Variants in TNR observed in about 807,000 individuals in gnomAD.
TNR encodes the protein tenascin-R.
TNR carries 45 observed loss-of-function variants against 150.4 expected under a neutral mutation model. That is an observed-to-expected ratio of 0.30 (90% confidence interval 0.24 to 0.38). The LOEUF (loss-of-function observed/expected upper bound fraction) is 0.38, where lower values mean the gene tolerates loss of function less well. TNR is among the 10% of genes least tolerant of loss of function. TNR has a pLI of 1.00. For synonymous variants in TNR, 687 were observed against 678.4 expected, an observed-to-expected ratio of 1.01 and a Z score of -0.20; for missense variants, 1,544 against 1,759.1, an observed-to-expected ratio of 0.88 and a Z score of 2.19.
chr1:175,416,734 T>G (rs1184741815), intron 2 of TNR, among the ~76,000 whole-genome samples: 1 of 151,998 alleles, frequency 6.6e-6, no homozygotes, highest in Non-Finnish European at 1.5e-5. Flanking sequence ...GTGGGCCGGG[T>G]GCGGTGGCTC....
chr1:175,562,825 A>G (rs983568777), intron 1 of TNR, among the ~76,000 whole-genome samples: 1 of 152,226 alleles, frequency 6.6e-6, no homozygotes, highest in African/African-American at 2.4e-5. Flanking sequence ...TTTCTCTGCC[A>G]GGCTCCAAAC....
At chr1:175,639,569 T>C (rs1664589493) in intron 1 of TNR, among the ~76,000 whole-genome samples, 1 of 152,144 alleles carries the variant, frequency 6.6e-6, no homozygotes, top group South Asian at 2.1e-4. Flanking sequence ...CACTTCTGAG[T>C]GTTGGGGCTC....
At chr1:175,632,596 A>G (rs1293784932) in intron 1 of TNR, among the ~76,000 whole-genome samples, 4 of 152,252 alleles carry the variant, frequency 2.6e-5, no homozygotes, top group Admixed American at 2.6e-4. Context: ...GTATATTTGT[A>G]AAGTATCTAA....
chr1:175,678,763 C>A (rs1291692021), intron 1 of TNR, among the ~76,000 whole-genome samples: 1 of 152,196 alleles, frequency 6.6e-6, no homozygotes, highest in Non-Finnish European at 1.5e-5. Flanking sequence ...GACAGGAAGA[C>A]CAAGTGGGAA....
intron 2 of TNR, among the ~76,000 whole-genome samples, chr1:175,525,244 G>A (rs1004016303): frequency 6.6e-6 from 1 of 152,088 alleles, no homozygotes; most frequent in East Asian, 1.9e-4. Flanking sequence ...AGTTTCCTGA[G>A]GCCTCCCCAA....
At chr1:175,515,840 C>T (rs1312889486) in intron 2 of TNR, among the ~76,000 whole-genome samples, 2 of 152,174 alleles carry the variant, frequency 1.3e-5, no homozygotes, top group African/African-American at 2.4e-5. Context: ...AAAGACTCAC[C>T]TTAGGACTAA....
At chr1:175,425,856 T>A (rs1654945791) in intron 2 of TNR, among the ~76,000 whole-genome samples, 1 of 152,114 alleles carries the variant, frequency 6.6e-6, no homozygotes. Flanking sequence ...TTCAGGGCAT[T>A]ATTGGGGTTA....
At chr1:175,670,639 A>G (rs1469176579) in intron 1 of TNR, among the ~76,000 whole-genome samples, 1 of 152,320 alleles carries the variant, frequency 6.6e-6, no homozygotes, top group African/African-American at 2.4e-5. Context: ...GAGCAGCTGC[A>G]TAACCTCAGA....
At chr1:175,550,373 T>A (rs768535394) in intron 1 of TNR, among the ~76,000 whole-genome samples, 1 of 152,176 alleles carries the variant, frequency 6.6e-6, no homozygotes, top group Non-Finnish European at 1.5e-5. Flanking sequence ...CCCTCTGAGA[T>A]GCTGAATCAG....
chr1:175,362,541 G>A (rs963985859), intron 14 of TNR, 122 bp downstream of exon 14: 46 of 1,235,944 alleles, frequency 3.7e-5, no homozygotes, highest in Non-Finnish European at 5.2e-5. Context: ...GCAAGACACA[G>A]TGAGTTGGAG....
chr1:175,396,476 A>G (rs566005229), intron 5 of TNR, 68 bp downstream of exon 5: 2 of 1,552,496 alleles, frequency 1.3e-6, no homozygotes, highest in Admixed American at 1.8e-5. Context: ...AGACGCTACT[A>G]TCATGAATGC....
At chr1:175,540,781 A>C (rs1557995263) in intron 1 of TNR, among the ~76,000 whole-genome samples, 1 of 151,312 alleles carries the variant, frequency 6.6e-6, no homozygotes, top group Non-Finnish European at 1.5e-5. Context: ...CTTTCTCCTC[A>C]CTGGGTTTCC....
rs150355276 is a variant in TNR, at chr1:175,618,398, C to A, written c.-164-90029G>T. ...AAATGTAGCATCAATGCAGACAGTA[C>A]AAATCAACCTGGCAGGGCTGGTTAT... On this transcript the variant is annotated intron_variant, in intron 1 of 22. Transcript: ENST00000367674. Among the ~76,000 whole-genome samples, 66 of 152,322 alleles carry A rather than the reference C, an allele frequency of 4.3e-4. 1 individual carries two copies. Among genetic ancestry groups the A allele is most frequent in the African/African-American group, 1.6e-3 (65 of 41,574 alleles).
chr1:175,450,102 G>C (rs1557941456), intron 2 of TNR, among the ~76,000 whole-genome samples: 1 of 152,178 alleles, frequency 6.6e-6, no homozygotes, highest in Non-Finnish European at 1.5e-5. Context: ...TCCTGGAGGA[G>C]GGTCAGCTCC....
At chr1:175,611,153 C>A (rs1663585935) in intron 1 of TNR, among the ~76,000 whole-genome samples, 1 of 152,142 alleles carries the variant, frequency 6.6e-6, no homozygotes, top group South Asian at 2.1e-4. Context: ...GCTAATTTAA[C>A]CCGTTCCTTC....
intron 1 of TNR, among the ~76,000 whole-genome samples, chr1:175,569,784 A>G (rs551763786): frequency 1.2e-3 from 177 of 152,344 alleles, no homozygotes; most frequent in African/African-American, 3.6e-3. Flanking sequence ...TTTCACAGTG[A>G]CTTATTTGAT....
intron 9 of TNR, among the ~76,000 whole-genome samples, chr1:175,372,387 A>C (rs1178432647): frequency 1.3e-5 from 2 of 152,098 alleles, no homozygotes; most frequent in Non-Finnish European, 2.9e-5. Context: ...GGAGAAGATC[A>C]GCATGGGCTG....
chr1:175,495,901 C>T (rs370811310), intron 2 of TNR, among the ~76,000 whole-genome samples: 1 of 152,212 alleles, frequency 6.6e-6, no homozygotes, highest in African/African-American at 2.4e-5. Context: ...GAGCAGAATT[C>T]AGAAGTCTTG....
chr1:175,574,648 T>C (rs541390751), intron 1 of TNR, among the ~76,000 whole-genome samples: 2 of 152,280 alleles, frequency 1.3e-5, no homozygotes, highest in South Asian at 4.1e-4. Context: ...GCTTACCAAA[T>C]AACAAAGATC....
Sources: allele counts gnomAD v4.1 joint callset (sites outside exome capture counted in the v4.1 genomes callset), GRCh38; gene constraint gnomAD v4.1.1; transcripts MANE v1.5; gene names NCBI Gene and HGNC (gene_info 2026-07-23, HGNC 2026-07-21).